Variants in KCNIP4 observed in about 807,000 individuals in gnomAD.
The protein encoded by KCNIP4 is potassium voltage-gated channel interacting protein 4, also known as Kv channel-interacting protein 4.
In KCNIP4, 12 loss-of-function variants were observed where a neutral mutation model predicts 34.0. The ratio of observed to expected loss-of-function variants is 0.35; its 90% CI spans 0.23 to 0.57. The LOEUF (loss-of-function observed/expected upper bound fraction) is 0.57. Among genes scored for constraint, KCNIP4 ranks in the 20% least tolerant of loss-of-function variants. The pLI is 0.83. For synonymous variants in KCNIP4, 124 were observed against 102.2 expected, an observed-to-expected ratio of 1.21 and a Z score of -1.29; for missense variants, 238 against 311.7, an observed-to-expected ratio of 0.76 and a Z score of 1.78.
intron 1 of KCNIP4, among the ~76,000 whole-genome samples, chr4:20,995,967 G>A (rs1430162846): frequency 6.6e-6 from 1 of 152,224 alleles, no homozygotes; most frequent in African/African-American, 2.4e-5. Flanking sequence ...TTCAGGGGCA[G>A]GAGAGGAGTA....
chr4:21,321,912 G>C (rs1449197498), intron 1 of KCNIP4, among the ~76,000 whole-genome samples: 2 of 143,172 alleles, frequency 1.4e-5, no homozygotes. Flanking sequence ...ACAGAGGGAA[G>C]GAAGGAAGGA....
intron 3 of KCNIP4, among the ~76,000 whole-genome samples, chr4:20,773,466 A>G (rs903001539): frequency 6.6e-5 from 10 of 152,106 alleles, no homozygotes; most frequent in Admixed American, 1.3e-4. Flanking sequence ...CCCAAAAGGA[A>G]ACTCCCGGGC....
At chr4:21,611,726 A>G (rs1056134732) in intron 1 of KCNIP4, among the ~76,000 whole-genome samples, 1 of 149,314 alleles carries the variant, frequency 6.7e-6, no homozygotes, top group South Asian at 2.1e-4. Context: ...AATCCCATGA[A>G]CAGCTATACA....
chr4:21,070,903 C>T (rs1165061146), intron 1 of KCNIP4, among the ~76,000 whole-genome samples: 2 of 151,794 alleles, frequency 1.3e-5, no homozygotes, highest in East Asian at 1.9e-4. Flanking sequence ...TCTTGATCTC[C>T]TGACCTCGTG....
intron 1 of KCNIP4, among the ~76,000 whole-genome samples, chr4:21,901,109 A>C (rs1219199973): frequency 6.6e-6 from 1 of 152,230 alleles, no homozygotes; most frequent in African/African-American, 2.4e-5. Flanking sequence ...AGAAGTTGTA[A>C]AAGTTTTCAG....
At chr4:21,666,591 G>T (rs904818312) in intron 1 of KCNIP4, among the ~76,000 whole-genome samples, 1 of 152,152 alleles carries the variant, frequency 6.6e-6, no homozygotes, top group African/African-American at 2.4e-5. Flanking sequence ...GGTCTCTACT[G>T]ATTTGAACAT....
Position 21,520,418 on chromosome 4 carries a change from T to C in KCNIP4, c.61+428153A>G, listed in dbSNP as rs147167653. 2.0e-5 allele frequency among the ~76,000 whole-genome samples: 3 copies of C among 152,272 alleles called. No homozygotes were observed. The East Asian group carries it at 5.8e-4, about 29-fold the overall frequency. On this transcript the variant is annotated intron_variant, in intron 1 of 8. Coordinates refer to ENST00000382152, the MANE Select transcript of KCNIP4 (RefSeq NM_025221.6). ...CTGTATTTTGTTATAGTAGCCAGAA[T>C]TGACTAAGACAGTCACACAGCTAAG...
intron 1 of KCNIP4, among the ~76,000 whole-genome samples, chr4:21,484,174 C>A (rs942823184): frequency 2.7e-5 from 4 of 150,030 alleles, no homozygotes; most frequent in African/African-American, 4.9e-5. Flanking sequence ...CGCCTGTAAT[C>A]CCAGCACTTT....
At chr4:21,861,519 G>A (rs932755163) in intron 1 of KCNIP4, among the ~76,000 whole-genome samples, 1 of 152,024 alleles carries the variant, frequency 6.6e-6, no homozygotes, top group African/African-American at 2.4e-5. Flanking sequence ...AGGCATGGTG[G>A]TTTGTTCCTT....
In KCNIP4 at chr4:21,771,730, C is replaced by A. The variant is rs182582203; in HGVS notation, c.61+176841G>T. Among the ~76,000 whole-genome samples the A allele has an allele frequency of 6.6e-5, 10 of 152,074 alleles. No homozygotes were observed. In the East Asian group the frequency reaches 1.4e-3, roughly 21 times the overall value. On this transcript the variant is annotated intron_variant, in intron 1 of 8. Transcript: ENST00000382152. ...CATTCATGATTTAGCTCTCGGCTTGCCTATTGTTGGTGTAAAGGAATGCTT... is the reference window on the plus strand; with the variant it reads ...CATTCATGATTTAGCTCTCGGCTTGACTATTGTTGGTGTAAAGGAATGCTT...
intron 1 of KCNIP4, among the ~76,000 whole-genome samples, chr4:21,907,435 T>G (rs1373633814): frequency 6.6e-6 from 1 of 152,116 alleles, no homozygotes; most frequent in Admixed American, 6.6e-5. Flanking sequence ...CTAGCCAAAA[T>G]AAACCTTTTT....
At chr4:21,519,835 ATG>A (rs905426730) in intron 1 of KCNIP4, among the ~76,000 whole-genome samples, 107 of 144,632 alleles carry the variant, frequency 7.4e-4, no homozygotes, top group Non-Finnish European at 1.2e-3. Context: ...ACGTGTGTGT[ATG>A]TGTGTGTATA....
chr4:20,860,453 A>G (rs1356340319), intron 2 of KCNIP4, among the ~76,000 whole-genome samples: 1 of 152,174 alleles, frequency 6.6e-6, no homozygotes, highest in Non-Finnish European at 1.5e-5. Context: ...TCTAAATACA[A>G]CATGACTCTT....
chr4:21,694,914 C>CAAAAAAAAAAAAAAAAAAAAAAAAAAA (rs368053041), intron 1 of KCNIP4, among the ~76,000 whole-genome samples: 1 of 46,508 alleles, frequency 2.2e-5, no homozygotes, highest in African/African-American at 6.6e-5. Context: ...CACGATTGAC[C>CAAAAAAAAAAAAAAAAAAAAAAAAAAA]AAAAAAAAAA....
intron 8 of KCNIP4, 72 bp from the exon 9 acceptor site, chr4:20,730,201 G>A: frequency 2.0e-6 from 3 of 1,502,854 alleles, no homozygotes; most frequent in Non-Finnish European, 2.7e-6. Context: ...TTGCCCCTGA[G>A]TATTGCCTCC....
At chr4:20,909,794 C>T (rs931167838) in intron 1 of KCNIP4, among the ~76,000 whole-genome samples, 1 of 151,982 alleles carries the variant, frequency 6.6e-6, no homozygotes, top group Admixed American at 6.6e-5. Flanking sequence ...TGGGTGAAGG[C>T]TTATGCTTTT....
intron 1 of KCNIP4, among the ~76,000 whole-genome samples, chr4:21,737,796 A>G (rs1226362430): frequency 6.6e-6 from 1 of 152,156 alleles, no homozygotes; most frequent in Non-Finnish European, 1.5e-5. Flanking sequence ...TAAAAGGCTT[A>G]AAAGTCAGCC....
chr4:20,943,470 T>C (rs1197198114), intron 1 of KCNIP4, among the ~76,000 whole-genome samples: 1 of 152,208 alleles, frequency 6.6e-6, no homozygotes, highest in East Asian at 1.9e-4. Context: ...ACAAATTACT[T>C]GCTGCCCACT....
chr4:21,436,294 C>T (rs2199289), intron 1 of KCNIP4, among the ~76,000 whole-genome samples: 84,309 of 151,882 alleles, frequency 0.56, 23,545 homozygotes, highest in Middle Eastern at 0.62. Context: ...TAAAATTTAA[C>T]CCAGAAGGAC....
Sources: gnomAD v4.1 joint callset for allele counts (sites outside exome capture counted in the v4.1 genomes callset) on GRCh38, gnomAD v4.1.1 for gene constraint, MANE v1.5 for transcripts, NCBI Gene and HGNC (gene_info 2026-07-23, HGNC 2026-07-21) for gene names.